The following DCT variants were observed in gnomAD, a reference collection of about 807,000 sequenced individuals.
The protein encoded by DCT is L-dopachrome tautomerase.
In DCT, 47 loss-of-function variants were observed where a neutral mutation model predicts 53.0. That is an observed-to-expected ratio of 0.89 (90% CI 0.70 to 1.13). The LOEUF is 1.13. Ranked by LOEUF, DCT falls within the 50% of genes most tolerant of loss-of-function variation. DCT has a pLI of 0.00. For missense variants in DCT, 669 were observed against 637.4 expected (o/e 1.05, Z -0.53); for synonymous variants, 244 against 237.0 (o/e 1.03, Z -0.27).
chr13:94,463,713 T>C (rs1883972690), intron 4 of DCT, among the ~76,000 whole-genome samples: 1 of 152,198 alleles, frequency 6.6e-6, no homozygotes, highest in African/African-American at 2.4e-5. Flanking sequence ...ATTATTTCAC[T>C]GGCAGAGATA....
At chr13:94,525,322 G>A in the DCT span, among the ~76,000 whole-genome samples, 54,334 of 151,840 alleles carry the variant, frequency 0.36, 10,065 homozygotes, top group East Asian at 0.62. Context: ...GGCTGGTTTC[G>A]AACTCCTGAC....
chr13:94,494,031 T>C, the DCT span, among the ~76,000 whole-genome samples: 10 of 152,220 alleles, frequency 6.6e-5, no homozygotes, highest in Non-Finnish European at 1.3e-4. Context: ...TTTTTAAATG[T>C]TTAGAGATGC....
chr13:94,485,126 G>T, the DCT span, among the ~76,000 whole-genome samples: 153 of 151,976 alleles, frequency 1.0e-3, no homozygotes, highest in African/African-American at 3.5e-3. Flanking sequence ...GCACTCTGCT[G>T]GGGGGCGGTG....
In DCT at chr13:94,438,615, C is replaced by T. The variant is rs1882060766; in HGVS notation, c.*1283G>A. 6.6e-6 allele frequency: 3 copies of T among 455,852 alleles called. No individual in the cohort carries two copies. Among genetic ancestry groups the T allele is most frequent in the Non-Finnish European group, 1.3e-5 (3 of 226,778 alleles). The allele number at this position is 455,852 out of a possible 1,614,324, so 28.2% of individuals were successfully genotyped here. A position where few individuals can be genotyped will look rare whatever the true frequency, so the allele number is the denominator to read the frequency against. On this transcript the variant is annotated 3_prime_UTR_variant, in exon 8 of 8. Coordinates refer to ENST00000377028, the MANE Select transcript of DCT (RefSeq NM_001922.5). ...CAGTCTCACTCCTGATGCACAGAAACCAGATATGAGCAGATGAAATTTGCC... is the reference window on the plus strand; with the variant it reads ...CAGTCTCACTCCTGATGCACAGAAATCAGATATGAGCAGATGAAATTTGCC...
At chr13:94,525,790 T>A in the DCT span, among the ~76,000 whole-genome samples, 2 of 152,136 alleles carry the variant, frequency 1.3e-5, no homozygotes, top group African/African-American at 4.8e-5. Context: ...TCCAGTAGTT[T>A]GATACCAGCC....
In DCT at chr13:94,479,042, T is replaced by C; in HGVS notation, c.214A>G (p.Ser72Gly). Residue 72 changes from serine (S) to glycine (G), a missense_variant, in exon 1 of 8, where the codon AGT becomes GGT. By Grantham distance (56) the Ser-to-Gly change is moderately conservative. Transcript: ENST00000377028. ...TEVRADTRPW[S>G]GPYILRNQDD... ...TGGTTTCGTAGGATGTAGGGACCAC[T>C]CCAGGGCCTTGTGTCGGCTCGCACC... 6.2e-7 allele frequency: 1 copy of C among 1,614,232 alleles called. No individual in the cohort carries two copies. The highest frequency in any genetic ancestry group is 8.5e-7 in the Non-Finnish European group (1 of 1,180,030).
intron 1 of DCT, among the ~76,000 whole-genome samples, chr13:94,477,084 C>G (rs532013853): frequency 6.6e-6 from 1 of 152,074 alleles, no homozygotes; most frequent in East Asian, 1.9e-4. Flanking sequence ...ATTATAAAGC[C>G]AGAACTATTT....
In DCT at chr13:94,439,635, GT is replaced by G. The variant is rs1882132081; in HGVS notation, c.*262del. 11 of 268,488 alleles carry G rather than the reference GT, an allele frequency of 4.1e-5. No homozygotes were observed. In the Admixed American group the frequency reaches 4.2e-4, roughly 10 times the overall value. The allele number at this position is 268,488 out of a possible 1,614,324, so 16.6% of individuals were successfully genotyped here. A position where few individuals can be genotyped will look rare whatever the true frequency, so the allele number is the denominator to read the frequency against. On this transcript the variant is annotated 3_prime_UTR_variant, in exon 8 of 8. Coordinates refer to ENST00000377028, the MANE Select transcript of DCT (RefSeq NM_001922.5). The stretch of plus-strand genomic sequence containing the variant: ...AGGCTTAATCAATATTGGGGGGGGG[GT>G]TATTATTAGATATCACAAATTGTCA...
the DCT span, among the ~76,000 whole-genome samples, chr13:94,521,321 G>A: frequency 6.6e-6 from 1 of 152,220 alleles, no homozygotes; most frequent in East Asian, 1.9e-4. Flanking sequence ...ATTGTCAATA[G>A]AGGAACCTAA....
At chr13:94,509,881 C>T in the DCT span, among the ~76,000 whole-genome samples, 5 of 152,166 alleles carry the variant, frequency 3.3e-5, no homozygotes, top group South Asian at 2.1e-4. Context: ...ATCATGTGCC[C>T]AGCACTCAAT....
chr13:94,468,717 A>G (rs568082060), intron 2 of DCT, 29 bp downstream of exon 2: 1 of 1,595,862 alleles, frequency 6.3e-7, no homozygotes, highest in African/African-American at 1.3e-5. Context: ...ACCTGTAATA[A>G]TATACCTTCA....
Position 94,479,289 on chromosome 13 carries a change from T to TC in DCT, c.-35_-34insG. On this transcript the variant is annotated 5_prime_UTR_variant, in exon 1 of 8. Transcript: ENST00000377028. ...AATTGGGAGAGCTCTCTCTCTCTCT[T>TC]ACTTTCCTTGTCTCTGTCGTACTTT... 6.7e-7 allele frequency: 1 copy of TC among 1,488,380 alleles called. No homozygotes were observed. The allele number at this position is 1,488,380 out of a possible 1,614,324, so 92.2% of individuals were successfully genotyped here.
At position 94,443,613 on chromosome 13, in the gene DCT, TG is replaced by T; in HGVS notation, c.1203del (p.Ile402SerfsTer6). ...AATCTTTTCATCCACTCATCAAAGA[TG>T]GCATCAGTAAAGGAATGAAGAACCT... ...IFVVLHSFTD[A>X]IFDEWMKRFN... On this transcript the variant is annotated frameshift_variant, in exon 7 of 8. Transcript: ENST00000377028. LOFTEE classifies it high-confidence loss of function. The T allele has an allele frequency of 6.2e-7, 1 of 1,613,990 alleles. No homozygotes were observed.
At chr13:94,452,529 G>T in intron 6 of DCT, 1 of 703,678 alleles carries the variant, frequency 1.4e-6, no homozygotes, top group East Asian at 2.7e-5. Flanking sequence ...AACTTCTAGA[G>T]GCAATTCTGT....
chr13:94,510,385 C>A, the DCT span, among the ~76,000 whole-genome samples: 2 of 148,962 alleles, frequency 1.3e-5, no homozygotes, highest in Admixed American at 1.3e-4. Flanking sequence ...ACCACAGTGA[C>A]CACATAAGAC....
chr13:94,475,238 T>C (rs1257002959), intron 1 of DCT, among the ~76,000 whole-genome samples: 2 of 152,158 alleles, frequency 1.3e-5, no homozygotes, highest in African/African-American at 4.8e-5. Context: ...CCCAGCTCAG[T>C]CACTAAGGAC....
At chr13:94,456,985 C>T (rs1466803776) in intron 6 of DCT, among the ~76,000 whole-genome samples, 1 of 152,210 alleles carries the variant, frequency 6.6e-6, no homozygotes, top group Non-Finnish European at 1.5e-5. Context: ...CAAACATTAG[C>T]CAGGCGCAGT....
In DCT at chr13:94,470,416, G is replaced by A. The variant is rs138676757; in HGVS notation, c.296-1371C>T. On this transcript the variant is annotated intron_variant, in intron 1 of 7. Coordinates refer to ENST00000377028, the MANE Select transcript of DCT (RefSeq NM_001922.5). ...ATCAGCATCTAAAGTTTACATCCTT[G>A]TAGCTTGCCCCAGACTTTTCCCTTC... Among the ~76,000 whole-genome samples, 43 of 152,306 alleles carry A rather than the reference G, an allele frequency of 2.8e-4. No individual in the cohort carries two copies. The East Asian group carries it at 8.1e-3, about 29-fold the overall frequency.
chr13:94,528,453 C>T, the DCT span, among the ~76,000 whole-genome samples: 1,561 of 152,246 alleles, frequency 0.01, 26 homozygotes, highest in African/African-American at 0.035. Context: ...CGGCAGAAAC[C>T]CTGCAAGCCA....
Sources: allele counts gnomAD v4.1 joint callset (sites outside exome capture counted in the v4.1 genomes callset), GRCh38; gene constraint gnomAD v4.1.1; transcripts MANE v1.5; gene names NCBI Gene and HGNC (gene_info 2026-07-23, HGNC 2026-07-21).